KANK1: variants seen among roughly 807,000 people sequenced by gnomAD.
KANK1 encodes KN motif and ankyrin repeat domain-containing protein 1.
In KANK1, 109 loss-of-function variants were observed where a neutral mutation model predicts 106.2. The ratio of observed to expected loss-of-function variants is 1.03; its 90% CI spans 0.88 to 1.20. The LOEUF is 1.20. Ranked by LOEUF, KANK1 falls within the 50% of genes most tolerant of loss-of-function variation. KANK1 has a pLI of 0.00. For missense variants in KANK1, 2,399 were observed against 1,710.7 expected (o/e 1.40, Z -7.10); for synonymous variants, 873 against 652.2 (o/e 1.34, Z -5.16).
rs3028166 is a variant in KANK1 at position 598,620 on chromosome 9, CTTTTTTTTTTTTTTTTTTTT to C, written c.-83-78259_-83-78240del. 6.4e-5 allele frequency among the ~76,000 whole-genome samples: 3 copies of C among 46,682 alleles called. No homozygotes were observed. In the East Asian group the frequency reaches 2.0e-3, roughly 31 times the overall value. 30.6% of individuals were successfully genotyped at this position (46,682 alleles called of 152,430 possible). A position where few individuals can be genotyped will look rare whatever the true frequency, so the allele number is the denominator to read the frequency against. ...TTTTTTGTTTTGTTTTGTTGGTTTT[CTTTTTTTTTTTTTTTTTTTT>C]TTTTTTTTTTGAGACAGTCTCATTC... On this transcript the variant is annotated intron_variant, in intron 1 of 11. Transcript: ENST00000382297.
intron 3 of KANK1, among the ~76,000 whole-genome samples, chr9:725,850 T>A (rs1830510659): frequency 6.6e-6 from 1 of 152,222 alleles, no homozygotes; most frequent in Non-Finnish European, 1.5e-5. Flanking sequence ...CTTCTAAGAA[T>A]CTAAGAGATT....
intron 3 of KANK1, among the ~76,000 whole-genome samples, chr9:477,138 A>G (rs1440881053): frequency 6.6e-6 from 1 of 152,218 alleles, no homozygotes; most frequent in Non-Finnish European, 1.5e-5. Flanking sequence ...GTGACAGGCG[A>G]TAAAGTAACG....
intron 1 of KANK1, among the ~76,000 whole-genome samples, chr9:639,179 C>G (rs894847585): frequency 9.2e-5 from 14 of 152,130 alleles, no homozygotes; most frequent in Admixed American, 2.0e-4. Context: ...TTTACTTCAG[C>G]TGGGATTACA....
At position 712,079 on chromosome 9, in the gene KANK1, T is replaced by G; in HGVS notation, c.1313T>G (p.Val438Gly). ...GTLVEMRNCG[V>G]SVTEAMLGVM... ...CTTGTTGAGATGAGAAATTGTGGGG[T>G]CAGCGTGACAGAGGCCATGCTTGGA... Residue 438 changes from valine to glycine, a missense_variant, in exon 3 of 12, where the codon GTC (valine) becomes GGC (glycine). Val to Gly is a moderately radical substitution (Grantham distance 109). Coordinates refer to ENST00000382297, the MANE Select transcript of KANK1 (RefSeq NM_015158.5). The G allele has an allele frequency of 6.2e-7, 1 of 1,613,978 alleles. No individual in the cohort carries two copies. The highest frequency in any genetic ancestry group is 8.5e-7 in the Non-Finnish European group (1 of 1,179,982).
rs75613389 is a variant in KANK1, at chr9:605,300, C to T, written c.-83-71590C>T. ...TGGGCAACAAAGTGAGACTCCGTCT[C>T]AAAAAAAAAAAAAAAAAAAATCTAA... On this transcript the variant is annotated intron_variant, in intron 1 of 11. Transcript: ENST00000382297. 1.1e-3 allele frequency among the ~76,000 whole-genome samples: 122 copies of T among 106,834 alleles called. 3 individuals are homozygous for T. The highest frequency in any genetic ancestry group is 4.4e-3 in the African/African-American group (116 of 26,250). The allele number at this position is 106,834 out of a possible 152,430, so 70.1% of individuals were successfully genotyped here.
At chr9:680,044 T>C (rs1178745759) in intron 2 of KANK1, among the ~76,000 whole-genome samples, 1 of 152,182 alleles carries the variant, frequency 6.6e-6, no homozygotes, top group African/African-American at 2.4e-5. Flanking sequence ...GAGGGCCAAT[T>C]ACTGGTCTCC....
intron 1 of KANK1, among the ~76,000 whole-genome samples, chr9:612,525 T>C (rs1412173356): frequency 6.6e-6 from 1 of 152,142 alleles, no homozygotes; most frequent in Non-Finnish European, 1.5e-5. Context: ...GCTAAAACAG[T>C]TTATGTTCTG....
chr9:507,973 C>A (rs543328698), intron 1 of KANK1, among the ~76,000 whole-genome samples: 88 of 151,640 alleles, frequency 5.8e-4, no homozygotes, highest in African/African-American at 2.1e-3. Flanking sequence ...GGCATGCGCC[C>A]CCACACTTGG....
At chr9:583,194 G>T (rs1301841937) in intron 1 of KANK1, among the ~76,000 whole-genome samples, 1 of 152,112 alleles carries the variant, frequency 6.6e-6, no homozygotes, top group African/African-American at 2.4e-5. Flanking sequence ...CTGTTACCAA[G>T]TCTTTTTTAG....
rs1302020959 is a variant in KANK1 at position 732,738 on chromosome 9, T to C, written c.3245+121T>C. On this transcript the variant is annotated intron_variant, in intron 6 of 11. Transcript: ENST00000382297. The stretch of plus-strand genomic sequence containing the variant: ...TGCTTTTATCTGTTCCTCAGAGGTA[T>C]ACACATCTTGAGATACTAATATATA... 4 of 1,114,614 alleles carry C rather than the reference T, an allele frequency of 3.6e-6. No homozygotes were observed. The East Asian group carries it at 9.6e-5, about 27-fold the overall frequency. The allele number at this position is 1,114,614 out of a possible 1,614,324, so 69.0% of individuals were successfully genotyped here. A position where few individuals can be genotyped will look rare whatever the true frequency, so the allele number is the denominator to read the frequency against.
At chr9:640,060 A>C (rs1838047609) in intron 1 of KANK1, among the ~76,000 whole-genome samples, 1 of 152,172 alleles carries the variant, frequency 6.6e-6, no homozygotes, top group Non-Finnish European at 1.5e-5. Flanking sequence ...GCAGTCTCTC[A>C]GACCTCGTTG....
At chr9:577,115 C>T (rs1820770888) in intron 1 of KANK1, among the ~76,000 whole-genome samples, 1 of 152,180 alleles carries the variant, frequency 6.6e-6, no homozygotes, top group Admixed American at 6.5e-5. Context: ...GACTGAGCAG[C>T]AGCAAGATTT....
chr9:644,892 G>T (rs1839304384), intron 1 of KANK1, among the ~76,000 whole-genome samples: 1 of 151,012 alleles, frequency 6.6e-6, no homozygotes, highest in Non-Finnish European at 1.5e-5. Flanking sequence ...AGGCCGAGGT[G>T]GGCGGATTGC....
chr9:550,281 G>A (rs2061196507), intron 1 of KANK1, among the ~76,000 whole-genome samples: 1 of 151,914 alleles, frequency 6.6e-6, no homozygotes, highest in Non-Finnish European at 1.5e-5. Flanking sequence ...ATCTTAACTG[G>A]GTTTTATGAA....
intron 1 of KANK1, among the ~76,000 whole-genome samples, chr9:652,471 C>T (rs1437235653): frequency 6.6e-6 from 1 of 152,034 alleles, no homozygotes; most frequent in African/African-American, 2.4e-5. Flanking sequence ...TGCAGTGAGC[C>T]GAGATCGTGC....
At chr9:639,910 G>C (rs1415598577) in intron 1 of KANK1, among the ~76,000 whole-genome samples, 1 of 152,078 alleles carries the variant, frequency 6.6e-6, no homozygotes, top group African/African-American at 2.4e-5. Flanking sequence ...CAAACCCTTT[G>C]TAAGGGCACT....
At chr9:602,104 A>T (rs933645302) in intron 1 of KANK1, among the ~76,000 whole-genome samples, 4 of 151,966 alleles carry the variant, frequency 2.6e-5, no homozygotes, top group Admixed American at 6.5e-5. Flanking sequence ...CCTGTAGAAA[A>T]ATAGGTTCTT....
intron 1 of KANK1, among the ~76,000 whole-genome samples, chr9:541,431 C>T (rs146534538): frequency 2.7e-3 from 417 of 152,192 alleles, no homozygotes; most frequent in African/African-American, 9.4e-3. Context: ...TCAAAATGGA[C>T]TAAAGATTGG....
intron 1 of KANK1, among the ~76,000 whole-genome samples, chr9:596,939 C>G (rs74956543): frequency 0.043 from 5,526 of 129,474 alleles, 442 homozygotes; most frequent in African/African-American, 0.13. Flanking sequence ...CATTAATCTG[C>G]TTTCAGTCTC....
Sources: gnomAD v4.1 joint callset for allele counts (sites outside exome capture counted in the v4.1 genomes callset) on GRCh38, gnomAD v4.1.1 for gene constraint, MANE v1.5 for transcripts, NCBI Gene and HGNC (gene_info 2026-07-23, HGNC 2026-07-21) for gene names.